Variants in ARMC3 observed in about 807,000 individuals in gnomAD.
The protein encoded by ARMC3 is armadillo repeat containing 3.
Under a neutral mutation model 90.3 loss-of-function variants are expected in ARMC3, and 74 were observed. The observed-to-expected ratio is 0.82, with a 90% confidence interval of 0.68 to 0.99. The LOEUF is 0.99. ARMC3 is among the 50% of genes least tolerant of loss of function. The probability of loss-of-function intolerance (pLI) is 0.00; values close to 1 mark genes in which losing one functional copy is unlikely to be tolerated. For missense variants in ARMC3, 958 were observed against 1,042.8 expected (o/e 0.92, Z 1.12); for synonymous variants, 334 against 361.8 (o/e 0.92, Z 0.87).
chr10:22,972,713 G>A (rs574343841), intron 8 of ARMC3, among the ~76,000 whole-genome samples: 1 of 152,230 alleles, frequency 6.6e-6, no homozygotes, highest in East Asian at 1.9e-4. Flanking sequence ...GCCATCCTGG[G>A]ATCATTTTCT....
At chr10:23,008,492 A>G (rs1481142170) in intron 15 of ARMC3, 118 bp downstream of exon 15, 6 of 667,606 alleles carry the variant, frequency 9.0e-6, no homozygotes, top group South Asian at 3.6e-5. Context: ...TGGTAATACA[A>G]TTGCATAATT....
chr10:22,986,571 A>C (rs540779225), intron 10 of ARMC3, among the ~76,000 whole-genome samples: 44 of 146,290 alleles, frequency 3.0e-4, no homozygotes, highest in African/African-American at 9.7e-4. Context: ...AACAAAAAAA[A>C]AAAAAACAAA....
chr10:23,010,208 G>A lies in ARMC3; in HGVS notation c.2045+1277G>A, dbSNP rs1054421183. ...GCTTCCCTCTCCTTCCCTTCCCTCC[G>A]CTTCTTTGTCCTTCCCTTCCCTCCT... On this transcript the variant is annotated intron_variant, in intron 16 of 18. Transcript: ENST00000298032. Among the ~76,000 whole-genome samples the A allele has an allele frequency of 9.9e-5, 10 of 101,156 alleles. No homozygotes were observed. In the South Asian group the frequency reaches 1.5e-3, roughly 15 times the overall value. The allele number at this position is 101,156 out of a possible 152,430, so 66.4% of individuals were successfully genotyped here. A position where few individuals can be genotyped will look rare whatever the true frequency, so the allele number is the denominator to read the frequency against.
chr10:23,018,514 ATTTTTTTTT>A (rs5783816), intron 16 of ARMC3, among the ~76,000 whole-genome samples: 163 of 115,476 alleles, frequency 1.4e-3, no homozygotes, highest in African/African-American at 5.5e-3. Flanking sequence ...CACCTTAGTA[ATTTTTTTTT>A]TTTTTTTTTT....
chr10:22,948,448 TA>T (rs1010963232), intron 3 of ARMC3, among the ~76,000 whole-genome samples: 74 of 152,160 alleles, frequency 4.9e-4, no homozygotes, highest in African/African-American at 1.7e-3. Context: ...TAGTATTTTC[TA>T]AAATTAAAAA....
chr10:22,931,378 A>G (rs1833924607), intron 1 of ARMC3, among the ~76,000 whole-genome samples: 1 of 152,194 alleles, frequency 6.6e-6, no homozygotes, highest in Non-Finnish European at 1.5e-5. Context: ...ATCTCTTCAG[A>G]TTTTTTAATT....
chr10:22,986,776 A>T (rs933987428), intron 10 of ARMC3, among the ~76,000 whole-genome samples: 40 of 152,256 alleles, frequency 2.6e-4, no homozygotes, highest in African/African-American at 8.4e-4. Context: ...AGGCTTCCCT[A>T]TAAGAGCCTC....
At chr10:22,984,655 C>T (rs764237383) in intron 10 of ARMC3, among the ~76,000 whole-genome samples, 55 of 151,864 alleles carry the variant, frequency 3.6e-4, no homozygotes, top group Non-Finnish European at 2.8e-4. Flanking sequence ...ATAATCAGAC[C>T]ATTCATAGCC....
chr10:22,933,367 A>C (rs1473991733), intron 2 of ARMC3, among the ~76,000 whole-genome samples: 2 of 152,228 alleles, frequency 1.3e-5, no homozygotes, highest in Admixed American at 1.3e-4. Context: ...AAAAATTAGA[A>C]TTACGGGGCT....
At chr10:22,971,686 C>G (rs1588862930) in intron 8 of ARMC3, among the ~76,000 whole-genome samples, 1 of 152,212 alleles carries the variant, frequency 6.6e-6, no homozygotes. Flanking sequence ...GGCAATCTTC[C>G]CAACTCAGCC....
At chr10:23,010,823 GCCTCT>G (rs1248860355) in intron 16 of ARMC3, among the ~76,000 whole-genome samples, 2 of 78,960 alleles carry the variant, frequency 2.5e-5, no homozygotes, top group East Asian at 3.7e-4. Flanking sequence ...TCCTTCCCTT[GCCTCT>G]CCTCTCCTTC....
chr10:23,004,098 A>G (rs1319441104), intron 13 of ARMC3, among the ~76,000 whole-genome samples: 2 of 150,966 alleles, frequency 1.3e-5, no homozygotes, highest in Non-Finnish European at 2.9e-5. Flanking sequence ...GTAGTGAGCT[A>G]TGATCACACC....
intron 10 of ARMC3, among the ~76,000 whole-genome samples, chr10:22,987,347 C>T (rs1308077446): frequency 6.6e-6 from 1 of 152,136 alleles, no homozygotes; most frequent in Non-Finnish European, 1.5e-5. Flanking sequence ...ACATCACTGC[C>T]ATCTGTTGGA....
chr10:22,953,230 T>G lies in ARMC3; in HGVS notation c.167-2577T>G, dbSNP rs114098693. On this transcript the variant is annotated intron_variant, in intron 3 of 18. Transcript: ENST00000298032. ...ATGCTACCTGGAAAAGAAAAGGAAA[T>G]GGATTCTGCCATTGGGTTTAGCTCC... is the stretch of plus-strand genomic sequence containing the variant. Among the ~76,000 whole-genome samples the G allele has an allele frequency of 2.8e-3, 429 of 152,164 alleles. 1 individual carries two copies. The highest frequency in any genetic ancestry group is 9.6e-3 in the African/African-American group (398 of 41,526).
Position 23,008,278 on chromosome 10 carries a change from C to G in ARMC3, c.1832C>G (p.Ser611Cys). Residue 611 changes from serine (S) to cysteine (C), a missense_variant and splice_region_variant, in exon 15 of 19, where the codon TCT becomes TGT. Physicochemically the swap from Ser to Cys is moderately radical, Grantham distance 112 (BLOSUM62 -1). Coordinates refer to ENST00000298032, the MANE Select transcript of ARMC3 (RefSeq NM_173081.5). ...VLLINSKSYV[S>C]PPSSMEDKSD... is the part of the protein sequence containing the mutation. ...ATTTTAAATGTGTAAAATTTTAGTTCTCCACCTTCATCTATGGAAGATAAA... is the reference window on the plus strand; with the variant it reads ...ATTTTAAATGTGTAAAATTTTAGTTGTCCACCTTCATCTATGGAAGATAAA... The G allele has an allele frequency of 6.7e-7, 1 of 1,487,274 alleles. No homozygotes were observed. The highest frequency in any genetic ancestry group is 1.4e-5 in the African/African-American group (1 of 70,258). The allele number at this position is 1,487,274 out of a possible 1,614,324, so 92.1% of individuals were successfully genotyped here.
At chr10:22,933,640 T>C (rs894310226) in intron 2 of ARMC3, among the ~76,000 whole-genome samples, 1 of 151,752 alleles carries the variant, frequency 6.6e-6, no homozygotes, top group Non-Finnish European at 1.5e-5. Flanking sequence ...ACTGACAGAG[T>C]GTTGGGAGGC....
chr10:22,938,454 A>G (rs1290084216), intron 2 of ARMC3, among the ~76,000 whole-genome samples: 7 of 152,258 alleles, frequency 4.6e-5, no homozygotes, highest in Non-Finnish European at 2.9e-5. Context: ...AATAAAAAAT[A>G]AGATCGTTCT....
chr10:23,024,573 G>A (rs963014785), intron 16 of ARMC3, among the ~76,000 whole-genome samples: 4 of 152,166 alleles, frequency 2.6e-5, no homozygotes, highest in African/African-American at 7.2e-5. Flanking sequence ...GAAAGGAGGT[G>A]AGGCTTCCAT....
At chr10:22,986,142 C>T (rs1836425488) in intron 10 of ARMC3, among the ~76,000 whole-genome samples, 1 of 148,230 alleles carries the variant, frequency 6.7e-6, no homozygotes, top group Non-Finnish European at 1.5e-5. Context: ...CAACCACTAG[C>T]ATCCATGAAG....
Sources: gnomAD v4.1 joint callset for allele counts (sites outside exome capture counted in the v4.1 genomes callset) on GRCh38, gnomAD v4.1.1 for gene constraint, MANE v1.5 for transcripts, NCBI Gene and HGNC (gene_info 2026-07-23, HGNC 2026-07-21) for gene names.